Variants in GHR observed in about 807,000 individuals in gnomAD.
The protein encoded by GHR is GH receptor.
In GHR, 35 loss-of-function variants were observed where a neutral mutation model predicts 67.1. That is an observed-to-expected ratio of 0.52 (90% CI 0.40 to 0.69). The LOEUF (loss-of-function observed/expected upper bound fraction) is 0.69, where lower values mean the gene tolerates loss of function less well. Ranked by LOEUF, GHR falls within the 30% of genes least tolerant of loss-of-function variation. The pLI is 0.00. For synonymous variants in GHR, 272 were observed against 269.1 expected (o/e 1.01, Z -0.10); for missense variants, 792 against 764.6 (o/e 1.04, Z -0.42).
intron 4 of GHR, among the ~76,000 whole-genome samples, chr5:42,692,900 G>C (rs1757484570): frequency 6.6e-6 from 1 of 151,926 alleles, no homozygotes; most frequent in East Asian, 1.9e-4. Context: ...CATTTTCTGG[G>C]CAATTTTCTT....
At chr5:42,591,450 T>C (rs1468978634) in intron 2 of GHR, among the ~76,000 whole-genome samples, 1 of 152,194 alleles carries the variant, frequency 6.6e-6, no homozygotes, top group Non-Finnish European at 1.5e-5. Context: ...AGCTAGTTCT[T>C]ATAGCTGCGA....
chr5:42,662,109 T>C (rs1259848842), intron 3 of GHR, among the ~76,000 whole-genome samples: 1 of 152,086 alleles, frequency 6.6e-6, no homozygotes, highest in Admixed American at 6.5e-5. Flanking sequence ...ATAAAGCAAG[T>C]CCTGAGTGAC....
At chr5:42,583,470 A>T (rs1430708228) in intron 2 of GHR, among the ~76,000 whole-genome samples, 1 of 152,206 alleles carries the variant, frequency 6.6e-6, no homozygotes, top group Non-Finnish European at 1.5e-5. Context: ...GGAAGTGCTG[A>T]CAAGCAGCAA....
chr5:42,607,348 A>T (rs1488844537), intron 2 of GHR, among the ~76,000 whole-genome samples: 4 of 152,250 alleles, frequency 2.6e-5, no homozygotes, highest in South Asian at 4.2e-4. Flanking sequence ...CAACCCTTTA[A>T]CTTCTAAGAA....
intron 1 of GHR, among the ~76,000 whole-genome samples, chr5:42,560,864 C>A (rs1052813018): frequency 1.4e-4 from 22 of 152,156 alleles, no homozygotes; most frequent in Non-Finnish European, 2.4e-4. Context: ...CCAATCATCA[C>A]CAAATCTTAT....
chr5:42,461,271 T>C (rs984805839), intron 1 of GHR, among the ~76,000 whole-genome samples: 1 of 152,212 alleles, frequency 6.6e-6, no homozygotes, highest in Non-Finnish European at 1.5e-5. Flanking sequence ...TGGACCTTTT[T>C]TCTGAACTCT....
intron 7 of GHR, among the ~76,000 whole-genome samples, chr5:42,711,607 T>C (rs1466947208): frequency 1.3e-5 from 2 of 152,140 alleles, no homozygotes; most frequent in Admixed American, 6.6e-5. Context: ...GGTGGAAGTT[T>C]AGAGACAGGA....
intron 1 of GHR, among the ~76,000 whole-genome samples, chr5:42,462,008 C>T (rs1444699770): frequency 6.6e-6 from 1 of 152,210 alleles, no homozygotes; most frequent in African/African-American, 2.4e-5. Context: ...AGTCTCCTGT[C>T]CTGTCAGAAA....
At chr5:42,534,462 A>G (rs1385159833) in intron 1 of GHR, among the ~76,000 whole-genome samples, 1 of 141,734 alleles carries the variant, frequency 7.1e-6, no homozygotes, top group African/African-American at 2.8e-5. Context: ...ATGTATGTAT[A>G]TATGTACATA....
In GHR at chr5:42,607,598, G is replaced by A. The variant is rs141979242; in HGVS notation, c.71-21440G>A. On this transcript the variant is annotated intron_variant, in intron 2 of 9. Transcript: ENST00000230882. ...ACATAATCAGTTGCTACATGTTATG[G>A]TGGTATATAAATGATGGTAGAATTT... 4.3e-3 allele frequency among the ~76,000 whole-genome samples: 659 copies of A among 152,284 alleles called. 4 individuals are homozygous for A. Among genetic ancestry groups the A allele is most frequent in the African/African-American group, 0.015 (637 of 41,546 alleles).
At chr5:42,562,123 G>A (rs951809462) in intron 1 of GHR, among the ~76,000 whole-genome samples, 1 of 152,118 alleles carries the variant, frequency 6.6e-6, no homozygotes. Context: ...ACGTTTCCTA[G>A]GGACATTTTG....
At chr5:42,718,004 A>C (rs1354627480) in intron 8 of GHR, 48 bp from the exon 9 acceptor site, 1 of 845,180 alleles carries the variant, frequency 1.2e-6, no homozygotes, top group African/African-American at 1.7e-5. Context: ...ATAATTGAGA[A>C]TATGTAGCTT....
intron 1 of GHR, among the ~76,000 whole-genome samples, chr5:42,523,070 T>C (rs4129472): frequency 0.14 from 21,193 of 152,096 alleles, 2,056 homozygotes; most frequent in Non-Finnish European, 0.2. Context: ...AAGAGATAAA[T>C]TTACTCTTTT....
intron 1 of GHR, among the ~76,000 whole-genome samples, chr5:42,562,718 T>A (rs1381564474): frequency 7.0e-6 from 1 of 143,456 alleles, no homozygotes; most frequent in Non-Finnish European, 1.5e-5. Flanking sequence ...TGGCGCGATC[T>A]CGACTCACTT....
At chr5:42,713,310 A>T (rs928344895) in intron 7 of GHR, 119 bp from the exon 8 acceptor site, 7 of 678,584 alleles carry the variant, frequency 1.0e-5, no homozygotes, top group Non-Finnish European at 1.6e-5. Context: ...ATCAAGAGAA[A>T]TCACTGACTT....
At chr5:42,531,949 A>C (rs1224390914) in intron 1 of GHR, among the ~76,000 whole-genome samples, 1 of 151,816 alleles carries the variant, frequency 6.6e-6, no homozygotes, top group African/African-American at 2.4e-5. Flanking sequence ...CAGTTGAATT[A>C]GTATGTTTCT....
At chr5:42,482,650 C>G (rs1014598396) in intron 1 of GHR, among the ~76,000 whole-genome samples, 3 of 152,118 alleles carry the variant, frequency 2.0e-5, no homozygotes, top group Non-Finnish European at 2.9e-5. Flanking sequence ...TAGCAATGAG[C>G]GAGACTCCAT....
chr5:42,653,700 A>T (rs944878403), intron 3 of GHR, among the ~76,000 whole-genome samples: 1 of 152,116 alleles, frequency 6.6e-6, no homozygotes, highest in African/African-American at 2.4e-5. Context: ...TAATTGAGAG[A>T]TATTGCTTCT....
In GHR at chr5:42,694,846, GCA is replaced by G. The variant is rs1340081773; in HGVS notation, c.267-69_267-68del. The G allele has an allele frequency of 2.7e-6, 3 of 1,111,558 alleles. No individual in the cohort carries two copies. In the African/African-American group the frequency reaches 4.6e-5, roughly 17 times the overall value. 68.9% of individuals were successfully genotyped at this position (1,111,558 alleles called of 1,614,324 possible). A position where few individuals can be genotyped will look rare whatever the true frequency, so the allele number is the denominator to read the frequency against. On this transcript the variant is annotated intron_variant, in intron 4 of 9. Coordinates refer to ENST00000230882, the MANE Select transcript of GHR (RefSeq NM_000163.5). ...CCAATTTATTGAATCAGACTATCAA[GCA>G]CCTTACTTGGACTTAAGCTACAACA...
Sources: gnomAD v4.1 joint callset for allele counts (sites outside exome capture counted in the v4.1 genomes callset) on GRCh38, gnomAD v4.1.1 for gene constraint, MANE v1.5 for transcripts, NCBI Gene and HGNC (gene_info 2026-07-23, HGNC 2026-07-21) for gene names.